The following CES5A variants were observed in gnomAD, a reference collection of about 807,000 sequenced individuals.
CES5A encodes carboxylesterase 5A.
Under a neutral mutation model 62.9 loss-of-function variants are expected in CES5A, and 67 were observed. The ratio of observed to expected loss-of-function variants is 1.07; its 90% confidence interval spans 0.88 to 1.31. The LOEUF (loss-of-function observed/expected upper bound fraction) is 1.31. Among genes scored for constraint, CES5A ranks in the 50% most tolerant of loss-of-function variants. CES5A has a pLI of 0.00. For missense variants in CES5A, 748 were observed against 708.5 expected (o/e 1.06, Z -0.63); for synonymous variants, 296 against 280.8 (o/e 1.05, Z -0.54).
intron 5 of CES5A, among the ~76,000 whole-genome samples, chr16:55,865,294 T>C (rs568716629): frequency 6.6e-6 from 1 of 152,300 alleles, no homozygotes; most frequent in South Asian, 2.1e-4. Context: ...TAGATATAGA[T>C]ATATAGATAA....
intron 1 of CES5A, among the ~76,000 whole-genome samples, chr16:55,907,056 C>T (rs149909480): frequency 4.6e-5 from 7 of 152,290 alleles, no homozygotes; most frequent in Non-Finnish European, 8.8e-5. Context: ...TAGATAGGTG[C>T]TCAATTAAGC....
At chr16:55,921,153 A>G (rs1360283221) in intron 1 of CES5A, among the ~76,000 whole-genome samples, 2 of 152,124 alleles carry the variant, frequency 1.3e-5, no homozygotes, top group Admixed American at 6.5e-5. Flanking sequence ...TCTGAGAATT[A>G]TTGTTGTTCA....
chr16:55,891,517 G>C (rs1284065254), intron 1 of CES5A, among the ~76,000 whole-genome samples: 1 of 152,180 alleles, frequency 6.6e-6, no homozygotes, highest in Non-Finnish European at 1.5e-5. Flanking sequence ...TTCCAGAAAG[G>C]CAGAACAACT....
intron 1 of CES5A, among the ~76,000 whole-genome samples, chr16:55,905,295 G>A (rs1339393969): frequency 6.6e-6 from 1 of 151,892 alleles, no homozygotes; most frequent in East Asian, 1.9e-4. Flanking sequence ...CATGGCTAGG[G>A]GTCCTCTGCT....
chr16:55,921,718 C>T (rs1208938069), intron 1 of CES5A, among the ~76,000 whole-genome samples: 1 of 146,648 alleles, frequency 6.8e-6, no homozygotes, highest in African/African-American at 2.5e-5. Context: ...AGTATACAAA[C>T]CCAGGATACT....
chr16:55,933,984 G>A (rs2142471712), intron 2 of CES5A, among the ~76,000 whole-genome samples: 1 of 152,136 alleles, frequency 6.6e-6, no homozygotes, highest in South Asian at 2.1e-4. Flanking sequence ...TTCCTCCAAT[G>A]TACCAAGGGT....
intron 12 of CES5A, 23 bp from the exon 13 acceptor site, chr16:55,846,705 G>A: frequency 6.2e-7 from 1 of 1,613,428 alleles, no homozygotes; most frequent in South Asian, 1.1e-5. Context: ...GCAGAAACAG[G>A]GGTGAGATTT....
chr16:55,907,638 G>T (rs1222842477), intron 1 of CES5A, among the ~76,000 whole-genome samples: 1 of 152,160 alleles, frequency 6.6e-6, no homozygotes, highest in Non-Finnish European at 1.5e-5. Context: ...TAGGCCCTCA[G>T]GGAAGGGGCA....
In CES5A at chr16:55,919,854, G is replaced by C. The variant is rs536462289; in HGVS notation, c.-256+5469C>G. Among the ~76,000 whole-genome samples, 8 of 152,240 alleles carry C rather than the reference G, an allele frequency of 5.3e-5. No individual in the cohort carries two copies. In the East Asian group the frequency reaches 1.5e-3, roughly 29 times the overall value. Reference sequence around the variant, plus strand: ...TTCTTTTTGCCCGGCAGTGTGCCAGGCACTTTCCATGAGTTAAATACAGTG... The same window carrying C: ...TTCTTTTTGCCCGGCAGTGTGCCAGCCACTTTCCATGAGTTAAATACAGTG... On this transcript the variant is annotated intron_variant, in intron 1 of 12. Transcript: ENST00000518005.
At chr16:55,908,575 G>A (rs1436949471) in intron 1 of CES5A, among the ~76,000 whole-genome samples, 3 of 152,102 alleles carry the variant, frequency 2.0e-5, no homozygotes, top group Non-Finnish European at 4.4e-5. Flanking sequence ...GGTCAAACTG[G>A]TCTCGAACTC....
At chr16:55,886,030 G>T (rs2033812104) in intron 1 of CES5A, among the ~76,000 whole-genome samples, 1 of 152,198 alleles carries the variant, frequency 6.6e-6, no homozygotes, top group Non-Finnish European at 1.5e-5. Context: ...TCCGTCCACT[G>T]CCTCATGGCA....
chr16:55,941,346 A>G (rs2142479322), intron 2 of CES5A, among the ~76,000 whole-genome samples: 1 of 152,214 alleles, frequency 6.6e-6, no homozygotes, highest in Non-Finnish European at 1.5e-5. Flanking sequence ...TTAGCAATGT[A>G]TAATTGGAAA....
At chr16:55,882,154 T>C (rs1334557621) in intron 1 of CES5A, among the ~76,000 whole-genome samples, 3 of 152,164 alleles carry the variant, frequency 2.0e-5, no homozygotes, top group Non-Finnish European at 1.5e-5. Context: ...CTGAGCTCAT[T>C]GTTTTAAGGA....
At chr16:55,936,837 A>G (rs2034381699) in intron 2 of CES5A, among the ~76,000 whole-genome samples, 1 of 152,212 alleles carries the variant, frequency 6.6e-6, no homozygotes, top group Non-Finnish European at 1.5e-5. Flanking sequence ...TGTAGCATTT[A>G]CCAAGTGTTT....
At chr16:55,847,061 T>C (rs2033028221) in intron 11 of CES5A, among the ~76,000 whole-genome samples, 1 of 152,010 alleles carries the variant, frequency 6.6e-6, no homozygotes, top group East Asian at 1.9e-4. Flanking sequence ...TGAACACACA[T>C]CTTCCCTGTC....
chr16:55,955,827 C>T (rs761426820), intron 1 of CES5A: 1 of 1,535,904 alleles, frequency 6.5e-7, no homozygotes, highest in South Asian at 1.2e-5. Flanking sequence ...CAGTAGCACC[C>T]TGTGGCTAAT....
chr16:55,898,991 G>A (rs1290516817), intron 1 of CES5A, among the ~76,000 whole-genome samples: 6 of 152,194 alleles, frequency 3.9e-5, no homozygotes, highest in African/African-American at 1.4e-4. Flanking sequence ...TGCTGGTGTA[G>A]CAGTACCTGG....
chr16:55,940,096 T>A (rs1399978374), intron 2 of CES5A, among the ~76,000 whole-genome samples: 1 of 151,116 alleles, frequency 6.6e-6, no homozygotes, highest in East Asian at 1.9e-4. Context: ...AAAATAAAGA[T>A]CTCAAATCAG....
chr16:55,926,553 G>A (rs2034259236), upstream of CES5A, among the ~76,000 whole-genome samples: 1 of 152,044 alleles, frequency 6.6e-6, no homozygotes, highest in Admixed American at 6.5e-5. Flanking sequence ...TTAAGATTAG[G>A]AAATAAAAAT....
Sources: gnomAD v4.1 joint callset for allele counts (sites outside exome capture counted in the v4.1 genomes callset) on GRCh38, gnomAD v4.1.1 for gene constraint, MANE v1.5 for transcripts, NCBI Gene and HGNC (gene_info 2026-07-23, HGNC 2026-07-21) for gene names.